AKAP19: variants seen among roughly 807,000 people sequenced by gnomAD.
AKAP19 encodes the protein A-kinase anchoring protein 19.
At chr2:190,151,198 T>C in the AKAP19 span, among the ~76,000 whole-genome samples, 1 of 152,350 alleles carries the variant, frequency 6.6e-6, no homozygotes, top group South Asian at 2.1e-4. Flanking sequence ...TTGACTATTA[T>C]GCTATCCAGA....
chr2:190,192,891 A>T, the AKAP19 span, among the ~76,000 whole-genome samples: 2 of 151,810 alleles, frequency 1.3e-5, no homozygotes, highest in Non-Finnish European at 2.9e-5. Context: ...ATTCCAGTAA[A>T]TTTTTTTTGG....
At chr2:190,198,375 T>A in the AKAP19 span, among the ~76,000 whole-genome samples, 2 of 152,190 alleles carry the variant, frequency 1.3e-5, no homozygotes, top group African/African-American at 4.8e-5. Context: ...GCACAGTGGC[T>A]CACGCCAGTA....
chr2:190,126,688 A>C, the AKAP19 span, among the ~76,000 whole-genome samples: 4 of 152,132 alleles, frequency 2.6e-5, no homozygotes, highest in Middle Eastern at 3.2e-3. Flanking sequence ...TTAGGACTTT[A>C]GGTAAGAAAA....
At chr2:189,998,687 A>T in the AKAP19 span, among the ~76,000 whole-genome samples, 1 of 150,798 alleles carries the variant, frequency 6.6e-6, no homozygotes, top group South Asian at 2.1e-4. Context: ...TTTTCCAAAA[A>T]CCAATTTTTT....
the AKAP19 span, among the ~76,000 whole-genome samples, chr2:190,031,736 T>C: frequency 6.6e-6 from 1 of 152,214 alleles, no homozygotes; most frequent in African/African-American, 2.4e-5. Flanking sequence ...ACAGCATTGC[T>C]GAGCCTTACC....
the AKAP19 span, among the ~76,000 whole-genome samples, chr2:190,096,047 G>A: frequency 6.6e-6 from 1 of 152,128 alleles, no homozygotes; most frequent in Admixed American, 6.5e-5. Flanking sequence ...TTTTCTTCAT[G>A]GAGCTAAACA....
the AKAP19 span, among the ~76,000 whole-genome samples, chr2:189,938,222 G>A: frequency 4.3e-4 from 65 of 151,944 alleles, no homozygotes; most frequent in Non-Finnish European, 4.6e-4. Flanking sequence ...TATAATCCCA[G>A]CTACTTGGGA....
the AKAP19 span, among the ~76,000 whole-genome samples, chr2:189,963,381 G>C: frequency 1.3e-5 from 2 of 151,902 alleles, no homozygotes; most frequent in Admixed American, 1.3e-4. Flanking sequence ...ATTTTTAGTA[G>C]AGACAGGGTT....
At chr2:189,975,940 A>G in the AKAP19 span, among the ~76,000 whole-genome samples, 1 of 152,082 alleles carries the variant, frequency 6.6e-6, no homozygotes, top group East Asian at 1.9e-4. Context: ...TTCCTCCTTT[A>G]GCTCAGAGAA....
the AKAP19 span, among the ~76,000 whole-genome samples, chr2:189,958,583 T>C: frequency 6.7e-6 from 1 of 150,092 alleles, no homozygotes; most frequent in African/African-American, 2.4e-5. Context: ...AATGTGTGTG[T>C]GTATATACAC....
chr2:190,035,725 C>A, the AKAP19 span, among the ~76,000 whole-genome samples: 4 of 152,078 alleles, frequency 2.6e-5, no homozygotes, highest in Admixed American at 6.6e-5. Flanking sequence ...TTTTGATACT[C>A]ATTCATGATA....
the AKAP19 span, among the ~76,000 whole-genome samples, chr2:190,188,116 G>A: frequency 9.9e-5 from 15 of 152,106 alleles, no homozygotes; most frequent in Admixed American, 1.3e-4. Context: ...GGGTGGAAGG[G>A]CACTGTTAGA....
the AKAP19 span, among the ~76,000 whole-genome samples, chr2:190,168,114 G>C: frequency 6.6e-6 from 1 of 152,172 alleles, no homozygotes; most frequent in Non-Finnish European, 1.5e-5. Context: ...CTGAAATCTA[G>C]GCAGAGGTTC....
the AKAP19 span, among the ~76,000 whole-genome samples, chr2:189,907,231 C>A: frequency 6.6e-6 from 1 of 152,064 alleles, no homozygotes; most frequent in East Asian, 1.9e-4. Context: ...TATATGGGTC[C>A]CACTCCCCAA....
At chr2:189,909,989 C>T in the AKAP19 span, among the ~76,000 whole-genome samples, 1 of 151,668 alleles carries the variant, frequency 6.6e-6, no homozygotes, top group African/African-American at 2.4e-5. Context: ...AAGAAATATG[C>T]TTTGCTTTAA....
the AKAP19 span, among the ~76,000 whole-genome samples, chr2:190,078,457 GA>G: frequency 2.0e-5 from 3 of 151,706 alleles, no homozygotes; most frequent in Non-Finnish European, 2.9e-5. Context: ...CTTATGATAA[GA>G]AAAAAATGGC....
chr2:190,012,242 A>C, the AKAP19 span, among the ~76,000 whole-genome samples: 1 of 152,114 alleles, frequency 6.6e-6, no homozygotes, highest in Non-Finnish European at 1.5e-5. Flanking sequence ...CTCCCACATC[A>C]GCCTCCCAAG....
the AKAP19 span, among the ~76,000 whole-genome samples, chr2:189,894,389 C>T: frequency 1.3e-5 from 2 of 152,016 alleles, no homozygotes; most frequent in Non-Finnish European, 2.9e-5. Context: ...TCTATCTTAC[C>T]TATTTCTTCC....
chr2:189,919,003 T>C, the AKAP19 span, among the ~76,000 whole-genome samples: 1 of 152,188 alleles, frequency 6.6e-6, no homozygotes, highest in African/African-American at 2.4e-5. Context: ...GGTCCAAAAA[T>C]ATTAAATAGA....
Sources: allele counts gnomAD v4.1 joint callset (sites outside exome capture counted in the v4.1 genomes callset), GRCh38; gene constraint gnomAD v4.1.1; transcripts MANE v1.5; gene names NCBI Gene and HGNC (gene_info 2026-07-23, HGNC 2026-07-21).